SHB: variants seen among roughly 807,000 people sequenced by gnomAD.
The protein encoded by SHB is SH2 domain containing adaptor protein B.
SHB carries 20 observed loss-of-function variants against 52.3 expected under a neutral mutation model. The ratio of observed to expected loss-of-function variants is 0.38; its 90% CI spans 0.27 to 0.56. SHB has a LOEUF of 0.56. SHB is among the 20% of genes least tolerant of loss of function. The probability of loss-of-function intolerance (pLI) is 0.71; values close to 1 mark genes in which losing one functional copy is unlikely to be tolerated. For synonymous variants in SHB, 397 were observed against 316.5 expected (o/e 1.25, Z -2.70); for missense variants, 825 against 723.3 (o/e 1.14, Z -1.61).
intron 5 of SHB, among the ~76,000 whole-genome samples, chr9:37,937,478 A>T (rs1305046511): frequency 6.6e-6 from 1 of 152,168 alleles, no homozygotes; most frequent in Non-Finnish European, 1.5e-5. Context: ...AAAAAAAAAA[A>T]AGCAAAGCAT....
chr9:37,969,148 A>C (rs1034366837), intron 3 of SHB, among the ~76,000 whole-genome samples: 1 of 152,180 alleles, frequency 6.6e-6, no homozygotes, highest in Non-Finnish European at 1.5e-5. Context: ...AGGGCATGCG[A>C]TACCTCTTGA....
At chr9:38,034,180 C>T (rs1018596802) in intron 1 of SHB, among the ~76,000 whole-genome samples, 1 of 152,180 alleles carries the variant, frequency 6.6e-6, no homozygotes, top group African/African-American at 2.4e-5. Flanking sequence ...TGTACTAACG[C>T]CCCTCATAAA....
chr9:37,970,272 C>G (rs886806579), intron 3 of SHB, among the ~76,000 whole-genome samples: 17 of 152,262 alleles, frequency 1.1e-4, no homozygotes, highest in African/African-American at 4.1e-4. Context: ...TTCTCACCAA[C>G]AACTCTCTGA....
chr9:37,994,649 A>C (rs972445850), intron 2 of SHB, among the ~76,000 whole-genome samples: 2 of 152,240 alleles, frequency 1.3e-5, no homozygotes, highest in Non-Finnish European at 2.9e-5. Context: ...AAAGGTATAT[A>C]AAAGAGACCT....
intron 1 of SHB, among the ~76,000 whole-genome samples, chr9:38,062,487 C>T (rs932604208): frequency 2.0e-5 from 3 of 152,314 alleles, no homozygotes; most frequent in African/African-American, 7.2e-5. Context: ...TTTCCAACCT[C>T]AAGAGACCTT....
intron 5 of SHB, among the ~76,000 whole-genome samples, chr9:37,927,581 G>T (rs189105345): frequency 2.8e-4 from 42 of 152,274 alleles, no homozygotes; most frequent in African/African-American, 9.9e-4. Flanking sequence ...GAGGCATAAG[G>T]CTCGTTTTAG....
intron 1 of SHB, among the ~76,000 whole-genome samples, chr9:38,047,304 G>A (rs1197280636): frequency 1.3e-5 from 2 of 152,234 alleles, no homozygotes; most frequent in Non-Finnish European, 2.9e-5. Context: ...GCAGAGTATA[G>A]CATACAGTAA....
intron 2 of SHB, among the ~76,000 whole-genome samples, chr9:37,989,957 T>A (rs929319348): frequency 6.6e-6 from 1 of 152,174 alleles, no homozygotes; most frequent in Non-Finnish European, 1.5e-5. Flanking sequence ...CCAAGAATTA[T>A]GTGGAAGGAA....
intron 2 of SHB, among the ~76,000 whole-genome samples, chr9:38,013,878 T>C (rs1395185295): frequency 6.6e-6 from 1 of 152,158 alleles, no homozygotes; most frequent in Non-Finnish European, 1.5e-5. Flanking sequence ...CTTACTTCTA[T>C]TGGTGCGACT....
chr9:37,989,344 C>T (rs1417538351), intron 2 of SHB, among the ~76,000 whole-genome samples: 2 of 152,160 alleles, frequency 1.3e-5, no homozygotes, highest in African/African-American at 4.8e-5. Flanking sequence ...AGGCATGCAG[C>T]CAAATAGCAG....
At chr9:38,006,661 A>G (rs1821079299) in intron 2 of SHB, among the ~76,000 whole-genome samples, 2 of 152,152 alleles carry the variant, frequency 1.3e-5, no homozygotes, top group East Asian at 3.8e-4. Flanking sequence ...GGAGTTAGGG[A>G]TGTGTTCCGA....
intron 2 of SHB, among the ~76,000 whole-genome samples, chr9:38,011,050 T>C (rs7873094): frequency 0.58 from 87,644 of 152,144 alleles, 25,330 homozygotes; most frequent in Middle Eastern, 0.65. Flanking sequence ...ACACCACGGC[T>C]CTCAGTGGGC....
intron 2 of SHB, among the ~76,000 whole-genome samples, chr9:37,989,926 G>A (rs1452697230): frequency 6.6e-6 from 1 of 152,120 alleles, no homozygotes; most frequent in African/African-American, 2.4e-5. Context: ...TATTATAGAT[G>A]ACACCATCCA....
At chr9:38,014,492 C>T (rs1821184877) in intron 2 of SHB, among the ~76,000 whole-genome samples, 1 of 152,256 alleles carries the variant, frequency 6.6e-6, no homozygotes, top group Non-Finnish European at 1.5e-5. Context: ...CCCCAGCCAG[C>T]CTGCTTCCCT....
chr9:37,954,057 C>T lies in SHB; in HGVS notation c.1226+1826G>A, dbSNP rs530198244. The stretch of plus-strand genomic sequence containing the variant: ...CCCAGACTGACCCAGGCAGACCTGG[C>T]CACTGCTGGTCAGGACGCACGCCGA... On this transcript the variant is annotated intron_variant, in intron 4 of 5. Transcript: ENST00000377707. Among the ~76,000 whole-genome samples the T allele has an allele frequency of 6.5e-4, 99 of 152,254 alleles. 1 individual carries two copies. Among genetic ancestry groups the T allele is most frequent in the Non-Finnish European group, 1.6e-4 (11 of 68,010 alleles).
chr9:37,953,602 C>T (rs1323101462), intron 4 of SHB, among the ~76,000 whole-genome samples: 3 of 152,076 alleles, frequency 2.0e-5, no homozygotes, highest in African/African-American at 4.8e-5. Context: ...GGTAGGAGCA[C>T]CTAGGCAGAT....
chr9:37,953,183 G>C (rs930414173), intron 4 of SHB, among the ~76,000 whole-genome samples: 3 of 152,068 alleles, frequency 2.0e-5, no homozygotes, highest in African/African-American at 7.2e-5. Flanking sequence ...TCTGGGGACC[G>C]GGGCAGAAAA....
At chr9:37,955,116 G>C (rs1052435842) in intron 4 of SHB, among the ~76,000 whole-genome samples, 1 of 152,196 alleles carries the variant, frequency 6.6e-6, no homozygotes, top group African/African-American at 2.4e-5. Flanking sequence ...ACTGTAGCTA[G>C]AAAATAAATC....
intron 2 of SHB, among the ~76,000 whole-genome samples, chr9:38,013,431 G>A (rs1387101487): frequency 1.3e-5 from 2 of 151,864 alleles, no homozygotes; most frequent in Admixed American, 6.6e-5. Context: ...GTGAGACCCC[G>A]TCTCTACTAA....
Sources: allele counts gnomAD v4.1 joint callset (sites outside exome capture counted in the v4.1 genomes callset), GRCh38; gene constraint gnomAD v4.1.1; transcripts MANE v1.5; gene names NCBI Gene and HGNC (gene_info 2026-07-23, HGNC 2026-07-21).